The following MKX variants were observed in gnomAD, a reference collection of about 807,000 sequenced individuals.
MKX encodes the protein homeobox protein Mohawk.
In MKX, 13 loss-of-function variants were observed where a neutral mutation model predicts 36.0. The ratio of observed to expected loss-of-function variants is 0.36; its 90% CI spans 0.24 to 0.57. MKX has a LOEUF of 0.57. MKX is among the 20% of genes least tolerant of loss of function. The probability of loss-of-function intolerance (pLI) is 0.79; values close to 1 mark genes in which losing one functional copy is unlikely to be tolerated. For synonymous variants in MKX, 176 were observed against 178.3 expected, an observed-to-expected ratio of 0.99 and a Z score of 0.10; for missense variants, 458 against 456.4, an observed-to-expected ratio of 1.00 and a Z score of -0.03.
chr10:27,691,008 C>T (rs1836444447), intron 5 of MKX, among the ~76,000 whole-genome samples: 1 of 152,146 alleles, frequency 6.6e-6, no homozygotes, highest in African/African-American at 2.4e-5. Context: ...CTCCTGCTGC[C>T]TTGTGAAGAA....
intron 5 of MKX, among the ~76,000 whole-genome samples, chr10:27,688,020 G>A (rs1836389307): frequency 1.3e-5 from 2 of 152,122 alleles, no homozygotes; most frequent in Non-Finnish European, 2.9e-5. Context: ...AGCGTGCCAA[G>A]CTGGCCAGCT....
chr10:27,714,975 GTC>G (rs569661736), intron 5 of MKX, among the ~76,000 whole-genome samples: 46 of 152,328 alleles, frequency 3.0e-4, no homozygotes, highest in African/African-American at 1.0e-3. Context: ...CCCAGGCAGG[GTC>G]TCTCTTCCTT....
intron 5 of MKX, among the ~76,000 whole-genome samples, chr10:27,724,540 G>T (rs1655308821): frequency 1.3e-5 from 2 of 152,072 alleles, no homozygotes; most frequent in African/African-American, 4.8e-5. Context: ...GTTAAAATTA[G>T]AGTGGTGTTG....
At chr10:27,692,861 T>C (rs1302941723) in intron 5 of MKX, among the ~76,000 whole-genome samples, 1 of 152,200 alleles carries the variant, frequency 6.6e-6, no homozygotes, top group Non-Finnish European at 1.5e-5. Flanking sequence ...AGGTCAGCCC[T>C]GCGAGGTAGC....
rs1193970776 is a variant in MKX, at chr10:27,742,630, T to C, written c.188+598A>G. On this transcript the variant is annotated intron_variant, in intron 2 of 6. Transcript: ENST00000419761. The surrounding 1 kb of genome is among the most constrained non-coding windows in gnomAD (Gnocchi z 4.2). ...CCGCAAGCTACCGCCCCCCCCAGCA[T>C]ACCCCTCACCCCGCTAAACTCAAAC... Among the ~76,000 whole-genome samples the C allele has an allele frequency of 2.0e-5, 3 of 149,828 alleles. No individual in the cohort carries two copies. The highest frequency in any genetic ancestry group is 7.4e-5 in the African/African-American group (3 of 40,786).
At chr10:27,682,389 G>A (rs1276884332) in intron 5 of MKX, among the ~76,000 whole-genome samples, 1 of 152,154 alleles carries the variant, frequency 6.6e-6, no homozygotes, top group Non-Finnish European at 1.5e-5. Flanking sequence ...TGGCCTAAGT[G>A]TCCAGTGTTT....
chr10:27,705,780 G>C (rs1169815023), intron 5 of MKX, among the ~76,000 whole-genome samples: 1 of 152,162 alleles, frequency 6.6e-6, no homozygotes, highest in East Asian at 1.9e-4. Flanking sequence ...AGTCATCATA[G>C]TCCAAATCAA....
chr10:27,701,665 T>A lies in MKX; in HGVS notation c.839-26111A>T, dbSNP rs900537312. ...TATATTATATACTAATATATTAATATGTTATTTTATATTGTATAAATATAT... is the reference window on the plus strand; with the variant it reads ...TATATTATATACTAATATATTAATAAGTTATTTTATATTGTATAAATATAT... On this transcript the variant is annotated intron_variant, in intron 5 of 6. Transcript: ENST00000419761. Among the ~76,000 whole-genome samples, 154 of 145,254 alleles carry A rather than the reference T, an allele frequency of 1.1e-3. 1 individual carries two copies. The highest frequency in any genetic ancestry group is 3.7e-3 in the African/African-American group (147 of 40,234).
At chr10:27,718,753 CT>C (rs1030965508) in intron 5 of MKX, among the ~76,000 whole-genome samples, 15 of 152,094 alleles carry the variant, frequency 9.9e-5, no homozygotes, top group African/African-American at 2.2e-4. Context: ...ATAATTATGG[CT>C]TTTTTTATTT....
chr10:27,676,567 AG>A (rs1408591697), intron 5 of MKX, among the ~76,000 whole-genome samples: 1 of 151,862 alleles, frequency 6.6e-6, no homozygotes, highest in African/African-American at 2.4e-5. Context: ...TAGTAGAGAC[AG>A]GGTTTCACCA....
chr10:27,686,378 G>A (rs1317555100), intron 5 of MKX, among the ~76,000 whole-genome samples: 1 of 131,376 alleles, frequency 7.6e-6, no homozygotes, highest in Non-Finnish European at 1.6e-5. Context: ...GAAAGAAAGG[G>A]AAGGGAAGGG....
chr10:27,695,657 T>A (rs1353677728), intron 5 of MKX, among the ~76,000 whole-genome samples: 2 of 152,164 alleles, frequency 1.3e-5, no homozygotes, highest in East Asian at 3.9e-4. Flanking sequence ...TGTTGACTTT[T>A]AGGAGCTCAT....
intron 5 of MKX, among the ~76,000 whole-genome samples, chr10:27,710,471 T>A (rs1289546827): frequency 6.6e-6 from 1 of 152,062 alleles, no homozygotes; most frequent in East Asian, 1.9e-4. Flanking sequence ...CTCCAATAGA[T>A]CAATCAGAGA....
chr10:27,703,158 G>A (rs1027645834), intron 5 of MKX, among the ~76,000 whole-genome samples: 4 of 152,108 alleles, frequency 2.6e-5, no homozygotes, highest in East Asian at 1.9e-4. Flanking sequence ...ATTCCTAAAA[G>A]AGTGCCATAG....
chr10:27,680,904 G>A (rs1049563067), intron 5 of MKX, among the ~76,000 whole-genome samples: 1 of 152,110 alleles, frequency 6.6e-6, no homozygotes, highest in Non-Finnish European at 1.5e-5. Context: ...GAAATAGCTC[G>A]GCCAAGGGGG....
chr10:27,725,931 G>A (rs1284368156), intron 5 of MKX, among the ~76,000 whole-genome samples: 2 of 152,070 alleles, frequency 1.3e-5, no homozygotes, highest in African/African-American at 4.8e-5. Flanking sequence ...CCAGCTTTGA[G>A]TTTGGCTTGA....
chr10:27,697,667 G>A (rs1277485612), intron 5 of MKX, among the ~76,000 whole-genome samples: 1 of 152,154 alleles, frequency 6.6e-6, no homozygotes, highest in African/African-American at 2.4e-5. Flanking sequence ...AGGTTCATTG[G>A]TTTATTCAGC....
chr10:27,739,120 A>C (rs1016533064), intron 3 of MKX, among the ~76,000 whole-genome samples: 1 of 152,106 alleles, frequency 6.6e-6, no homozygotes, highest in Non-Finnish European at 1.5e-5. Context: ...ACATCTACTC[A>C]TTACTCCTTG....
At chr10:27,737,118 A>G (rs1834795987) in intron 3 of MKX, among the ~76,000 whole-genome samples, 1 of 152,176 alleles carries the variant, frequency 6.6e-6, no homozygotes, top group South Asian at 2.1e-4. Context: ...ACTGGGATAC[A>G]CTGGTGAACA....
Sources: gnomAD v4.1 joint callset for allele counts (sites outside exome capture counted in the v4.1 genomes callset) on GRCh38, gnomAD v4.1.1 for gene constraint, Gnocchi (gnomAD v3.1) non-coding constraint, MANE v1.5 for transcripts, NCBI Gene and HGNC (gene_info 2026-07-23, HGNC 2026-07-21) for gene names.